Variants in PIGN observed in about 807,000 individuals in gnomAD.
The protein encoded by PIGN is phosphatidylinositol glycan anchor biosynthesis class N.
Under a neutral mutation model 125.4 loss-of-function variants are expected in PIGN, and 117 were observed. That is an observed-to-expected ratio of 0.93 (90% CI 0.80 to 1.09). PIGN has a LOEUF of 1.09. Among genes scored for constraint, PIGN ranks in the 50% least tolerant of loss-of-function variants. PIGN has a pLI of 0.00. For synonymous variants in PIGN, 392 were observed against 377.8 expected, an observed-to-expected ratio of 1.04 and a Z score of -0.44; for missense variants, 1,075 against 1,094.9, an observed-to-expected ratio of 0.98 and a Z score of 0.26.
Position 62,105,627 on chromosome 18 carries a change from G to A in PIGN, c.1775C>T (p.Ser592Leu). The change falls in exon 20 of 31, where the codon TCA becomes TTA. Residue 592 changes from serine (S) to leucine (L), a missense_variant. Coordinates refer to ENST00000640252, the MANE Select transcript of PIGN (RefSeq NM_176787.5). The part of the protein sequence containing the change: ...TRLWTRAKMT[S>L]LSWTFFSLLL... ...CAAAGAGAAGAAAGTCCAACTCAGT[G>A]AGGTCATCTAAAATCAAGAAAAAAG... The A allele has an allele frequency of 6.5e-7, 1 of 1,539,540 alleles. No homozygotes were observed. Among genetic ancestry groups the A allele is most frequent in the South Asian group, 1.2e-5 (1 of 81,686 alleles).
chr18:62,047,002 A>T (rs991915172), intron 30 of PIGN, among the ~76,000 whole-genome samples: 2 of 152,224 alleles, frequency 1.3e-5, no homozygotes, highest in African/African-American at 4.8e-5. Context: ...CTGGGCACAG[A>T]CCAAAAAGAA....
intron 13 of PIGN, among the ~76,000 whole-genome samples, chr18:62,138,635 T>C (rs969109827): frequency 2.0e-5 from 3 of 152,198 alleles, no homozygotes; most frequent in Non-Finnish European, 4.4e-5. Context: ...CCTCTTTAAA[T>C]TCTTAAGGAA....
chr18:62,103,610 T>C (rs895931377), intron 20 of PIGN: 3 of 152,096 alleles, frequency 2.0e-5, no homozygotes, highest in Non-Finnish European at 4.4e-5. Context: ...CTGAATAACA[T>C]AGCACAGCCA....
intron 22 of PIGN, among the ~76,000 whole-genome samples, chr18:62,096,257 T>C (rs1873467270): frequency 6.6e-6 from 1 of 151,670 alleles, no homozygotes; most frequent in African/African-American, 2.4e-5. Context: ...ATTGCACCAC[T>C]GCACTCCAGC....
At chr18:62,049,156 T>C (rs1222422344) in intron 30 of PIGN, among the ~76,000 whole-genome samples, 1 of 151,958 alleles carries the variant, frequency 6.6e-6, no homozygotes, top group Non-Finnish European at 1.5e-5. Context: ...AGTGCCGCAA[T>C]AAACATACGT....
In PIGN at chr18:62,046,100, T is replaced by A; in HGVS notation, c.2673-121A>T. 7 of 1,002,432 alleles carry A rather than the reference T, an allele frequency of 7.0e-6. No homozygotes were observed. In the South Asian group the frequency reaches 1.1e-4, roughly 16 times the overall value. 62.1% of individuals were successfully genotyped at this position (1,002,432 alleles called of 1,614,324 possible). A position where few individuals can be genotyped will look rare whatever the true frequency, so the allele number is the denominator to read the frequency against. On this transcript the variant is annotated intron_variant, in intron 30 of 30. Coordinates refer to ENST00000640252, the MANE Select transcript of PIGN (RefSeq NM_176787.5). ...CTCCACTTTCAGGAGCTGGAGTGGG[T>A]GTTCTTTACCTTATTCCTCCTGCTA...
chr18:62,144,095 C>T (rs7242630), intron 10 of PIGN, among the ~76,000 whole-genome samples: 45,609 of 152,022 alleles, frequency 0.3, 7,957 homozygotes, highest in East Asian at 0.55. Flanking sequence ...TGAAAAAATG[C>T]CCATTCCTTT....
intron 20 of PIGN, 105 bp from the exon 21 acceptor site, chr18:62,103,007 T>C (rs2034505013): frequency 3.9e-6 from 2 of 513,540 alleles, no homozygotes; most frequent in Non-Finnish European, 3.2e-6. Flanking sequence ...TCTCAGTCAT[T>C]TGGCTTAATC....
downstream of PIGN, among the ~76,000 whole-genome samples, chr18:62,039,730 TCATGTTTAGGGCCCCATCCAGGGTGCC>T (rs2030318896): frequency 2.6e-5 from 1 of 38,210 alleles, no homozygotes; most frequent in Non-Finnish European, 6.1e-5. Flanking sequence ...GTGCCGCACA[TCATGTTTAGGGCCCCATCCAGGGTGCC>T]GCACCCCATG....
intron 30 of PIGN, among the ~76,000 whole-genome samples, chr18:62,065,998 C>G (rs577395802): frequency 2.8e-5 from 4 of 144,310 alleles, no homozygotes; most frequent in African/African-American, 9.9e-5. Context: ...GCCCCATTCT[C>G]TGTAGCCCTA....
intron 29 of PIGN, 141 bp downstream of exon 29, chr18:62,074,633 GAACAT>G (rs1017531594): frequency 1.9e-6 from 1 of 514,644 alleles, no homozygotes; most frequent in African/African-American, 2.0e-5. Flanking sequence ...TAATATAAAA[GAACAT>G]AATTTATTGT....
At chr18:62,060,811 T>C (rs1435825114) in intron 30 of PIGN, among the ~76,000 whole-genome samples, 1 of 152,198 alleles carries the variant, frequency 6.6e-6, no homozygotes, top group Non-Finnish European at 1.5e-5. Flanking sequence ...GTTTTTATAG[T>C]TATGAAAATT....
chr18:62,165,374 G>A (rs1340648842), intron 1 of PIGN, among the ~76,000 whole-genome samples: 1 of 152,090 alleles, frequency 6.6e-6, no homozygotes, highest in South Asian at 2.1e-4. Context: ...CAGGTATTCT[G>A]TTATAGCAAC....
intron 30 of PIGN, 179 bp downstream of exon 30, chr18:62,072,494 T>C (rs2032936872): frequency 6.0e-6 from 3 of 496,614 alleles, no homozygotes; most frequent in Non-Finnish European, 1.1e-5. Context: ...TAACATGCTG[T>C]ACAGGTTTAT....
chr18:62,108,006 G>A (rs1265789259), intron 17 of PIGN, among the ~76,000 whole-genome samples: 1 of 152,136 alleles, frequency 6.6e-6, no homozygotes, highest in Non-Finnish European at 1.5e-5. Context: ...GTTAACATTT[G>A]TAGTGCATTA....
At chr18:62,079,051 ATTC>A (rs1266084504) in intron 28 of PIGN, among the ~76,000 whole-genome samples, 1 of 152,068 alleles carries the variant, frequency 6.6e-6, no homozygotes, top group Non-Finnish European at 1.5e-5. Flanking sequence ...ATTTCCTACA[ATTC>A]TTCTGCTAGC....
intron 28 of PIGN, among the ~76,000 whole-genome samples, chr18:62,080,332 C>T (rs144362933): frequency 1.4e-4 from 21 of 152,326 alleles, no homozygotes; most frequent in Admixed American, 3.3e-4. Flanking sequence ...TTGCTGCATT[C>T]TGAAGGTGAC....
At chr18:62,161,765 A>G (rs929133615) in intron 3 of PIGN, among the ~76,000 whole-genome samples, 6 of 152,244 alleles carry the variant, frequency 3.9e-5, no homozygotes, top group Non-Finnish European at 7.3e-5. Context: ...AAAAGAAAAT[A>G]TAAGTCGTGC....
At chr18:62,169,618 T>C (rs1365964994) in intron 1 of PIGN, among the ~76,000 whole-genome samples, 2 of 151,968 alleles carry the variant, frequency 1.3e-5, no homozygotes, top group African/African-American at 2.4e-5. Flanking sequence ...TAAATATATG[T>C]TTAACTTTTT....
Sources: gnomAD v4.1 joint callset for allele counts (sites outside exome capture counted in the v4.1 genomes callset) on GRCh38, gnomAD v4.1.1 for gene constraint, MANE v1.5 for transcripts, NCBI Gene and HGNC (gene_info 2026-07-23, HGNC 2026-07-21) for gene names.